NAV1: variants seen among roughly 807,000 people sequenced by gnomAD.
The protein encoded by NAV1 is neuron navigator 1.
NAV1 carries 18 observed loss-of-function variants against 175.2 expected under a neutral mutation model. The ratio of observed to expected loss-of-function variants is 0.10; its 90% confidence interval spans 0.07 to 0.15. The LOEUF (loss-of-function observed/expected upper bound fraction) is 0.15, where lower values mean the gene tolerates loss of function less well. NAV1 is among the 10% of genes least tolerant of loss of function. The probability of loss-of-function intolerance (pLI) is 1.00; values close to 1 mark genes in which losing one functional copy is unlikely to be tolerated. For missense variants in NAV1, 1,731 were observed against 2,436.6 expected, an observed-to-expected ratio of 0.71 and a Z score of 6.10; for synonymous variants, 897 against 978.7, an observed-to-expected ratio of 0.92 and a Z score of 1.56.
intron 3 of NAV1, among the ~76,000 whole-genome samples, chr1:201,764,282 G>A (rs955967912): frequency 1.3e-5 from 2 of 152,202 alleles, no homozygotes; most frequent in African/African-American, 4.8e-5. Flanking sequence ...CACAGGGCAG[G>A]TGGCTTAAAC....
At chr1:201,800,260 C>A (rs1677765268) in intron 15 of NAV1, among the ~76,000 whole-genome samples, 1 of 152,256 alleles carries the variant, frequency 6.6e-6, no homozygotes, top group South Asian at 2.1e-4. Flanking sequence ...CTGGGCCTCC[C>A]AGAGTGCTGG....
chr1:201,686,054 TCA>T (rs1670672342), intron 1 of NAV1, among the ~76,000 whole-genome samples: 1 of 152,172 alleles, frequency 6.6e-6, no homozygotes, highest in African/African-American at 2.4e-5. Flanking sequence ...TGCTTTTATT[TCA>T]CACACATCTG....
intron 1 of NAV1, among the ~76,000 whole-genome samples, chr1:201,544,101 A>G (rs1194782091): frequency 6.6e-6 from 1 of 152,160 alleles, no homozygotes; most frequent in Non-Finnish European, 1.5e-5. Flanking sequence ...GGGATTCTCC[A>G]TCTTGGTTGC....
intron 4 of NAV1, among the ~76,000 whole-genome samples, 173 bp from the exon 9 acceptor site, chr1:201,780,839 G>A (rs1055677737): frequency 1.3e-5 from 2 of 151,956 alleles, no homozygotes; most frequent in African/African-American, 2.4e-5. Flanking sequence ...AAGAAACCCC[G>A]AGATATATGT....
chr1:201,761,057 AGCTT>A (rs1674804469), intron 3 of NAV1, among the ~76,000 whole-genome samples: 1 of 152,194 alleles, frequency 6.6e-6, no homozygotes, highest in African/African-American at 2.4e-5. Context: ...ACAGCAGAAA[AGCTT>A]GCTTTTGCCC....
chr1:201,604,507 C>A (rs576120203), intron 2 of NAV1, among the ~76,000 whole-genome samples: 1 of 152,020 alleles, frequency 6.6e-6, no homozygotes, highest in East Asian at 1.9e-4. Context: ...CATGGTGAAA[C>A]CCCATCTCTA....
intron 1 of NAV1, chr1:201,673,329 T>C (rs1472426049): frequency 6.6e-6 from 1 of 152,202 alleles, no homozygotes; most frequent in African/African-American, 2.4e-5. Context: ...CACACACTTA[T>C]CAGATTTCAT....
At chr1:201,743,899 T>G (rs1000343850) in intron 3 of NAV1, among the ~76,000 whole-genome samples, 1 of 152,212 alleles carries the variant, frequency 6.6e-6, no homozygotes, top group Non-Finnish European at 1.5e-5. Context: ...ATGATTTTTT[T>G]TGTTTTTTTG....
intron 3 of NAV1, among the ~76,000 whole-genome samples, chr1:201,744,151 G>C (rs1232929249): frequency 3.3e-5 from 5 of 152,106 alleles, no homozygotes; most frequent in Non-Finnish European, 7.4e-5. Context: ...CCAAAGTGCT[G>C]GGATTACAGG....
intron 1 of NAV1, among the ~76,000 whole-genome samples, chr1:201,689,719 CT>C (rs747550999): frequency 6.6e-6 from 1 of 152,188 alleles, no homozygotes; most frequent in Non-Finnish European, 1.5e-5. Flanking sequence ...GTACCTTCCC[CT>C]AATAAAGCAC....
At chr1:201,593,522 G>C (rs1025298743) in intron 2 of NAV1, among the ~76,000 whole-genome samples, 2 of 152,228 alleles carry the variant, frequency 1.3e-5, no homozygotes, top group Admixed American at 1.3e-4. Flanking sequence ...GAGGATTGCA[G>C]AATCTAATCC....
chr1:201,603,380 C>T (rs1667577872), intron 2 of NAV1, among the ~76,000 whole-genome samples: 1 of 152,176 alleles, frequency 6.6e-6, no homozygotes, highest in Admixed American at 6.5e-5. Flanking sequence ...GGAATTGCTG[C>T]ATCACTGTAA....
chr1:201,766,913 C>T (rs1226526893), intron 3 of NAV1, among the ~76,000 whole-genome samples: 1 of 151,964 alleles, frequency 6.6e-6, no homozygotes, highest in African/African-American at 2.4e-5. Context: ...ACCTCCGTCT[C>T]CTGGTTCAAG....
chr1:201,717,739 T>TGGGATG (rs1672195879), intron 2 of NAV1, among the ~76,000 whole-genome samples: 1 of 152,236 alleles, frequency 6.6e-6, no homozygotes, highest in Non-Finnish European at 1.5e-5. Flanking sequence ...TGGACCAGTC[T>TGGGATG]TACTGGGGAC....
rs372399373 is a variant in NAV1 at position 201,775,082 on chromosome 1, T to C, written c.1227-5339T>C. On this transcript the variant is annotated intron_variant, in intron 3 of 29. Transcript: ENST00000367296. ...AAAACAAGAGGACTGGTTGAAAATT[T>C]ATAGAAAAAACACTTAGACTCTCAG... 5.9e-5 allele frequency among the ~76,000 whole-genome samples: 9 copies of C among 152,110 alleles called. No homozygotes were observed. The East Asian group carries it at 9.6e-4, about 16-fold the overall frequency.
chr1:201,780,485 G>A, exon 4 of NAV1: 1 of 1,614,224 alleles, frequency 6.2e-7, no homozygotes, highest in Non-Finnish European at 8.5e-7. Flanking sequence ...CAGTTCAGAA[G>A]AATTCAATGC....
chr1:201,717,351 T>C (rs946230870), intron 2 of NAV1, among the ~76,000 whole-genome samples: 1 of 152,202 alleles, frequency 6.6e-6, no homozygotes, highest in African/African-American at 2.4e-5. Flanking sequence ...CCTGTCTGGC[T>C]TAATTAGGAT....
chr1:201,640,645 G>GGGTC (rs1490251011), intron 2 of NAV1, among the ~76,000 whole-genome samples: 1 of 152,214 alleles, frequency 6.6e-6, no homozygotes, highest in Non-Finnish European at 1.5e-5. Flanking sequence ...AGCAAGGCAA[G>GGGTC]GGTCTACTGG....
chr1:201,687,276 G>A (rs1670723470), intron 1 of NAV1, among the ~76,000 whole-genome samples: 1 of 152,142 alleles, frequency 6.6e-6, no homozygotes, highest in South Asian at 2.1e-4. Flanking sequence ...GCTGGAAGGT[G>A]GCACAGGATA....
Sources: gnomAD v4.1 joint callset for allele counts (sites outside exome capture counted in the v4.1 genomes callset) on GRCh38, gnomAD v4.1.1 for gene constraint, MANE v1.5 for transcripts, NCBI Gene and HGNC (gene_info 2026-07-23, HGNC 2026-07-21) for gene names.